NTM: variants seen among roughly 807,000 people sequenced by gnomAD.
NTM encodes IgLON family member 2.
Under a neutral mutation model 42.1 loss-of-function variants are expected in NTM, and 13 were observed. The ratio of observed to expected loss-of-function variants is 0.31; its 90% confidence interval spans 0.20 to 0.49. The LOEUF (loss-of-function observed/expected upper bound fraction) is 0.49. Among genes scored for constraint, NTM ranks in the 20% least tolerant of loss-of-function variants. The pLI is 0.99. For synonymous variants in NTM, 187 were observed against 179.2 expected, an observed-to-expected ratio of 1.04 and a Z score of -0.35; for missense variants, 373 against 452.8, an observed-to-expected ratio of 0.82 and a Z score of 1.60.
At chr11:131,450,425 C>A (rs905058651) in intron 1 of NTM, among the ~76,000 whole-genome samples, 7 of 152,168 alleles carry the variant, frequency 4.6e-5, no homozygotes, top group Non-Finnish European at 8.8e-5. Flanking sequence ...TCTCCCTGAG[C>A]CCATTCCGCC....
At chr11:131,999,348 A>T (rs1490612751) in intron 2 of NTM, among the ~76,000 whole-genome samples, 1 of 152,216 alleles carries the variant, frequency 6.6e-6, no homozygotes, top group East Asian at 1.9e-4. Context: ...TAATTCAAGC[A>T]GCACGAGGTA....
At chr11:132,225,067 T>C (rs1326791142) in intron 4 of NTM, among the ~76,000 whole-genome samples, 1 of 152,202 alleles carries the variant, frequency 6.6e-6, no homozygotes, top group Non-Finnish European at 1.5e-5. Flanking sequence ...GAAGAGGGAT[T>C]TATCAGATTG....
At chr11:131,970,261 C>T (rs2063362643) in intron 2 of NTM, among the ~76,000 whole-genome samples, 1 of 152,156 alleles carries the variant, frequency 6.6e-6, no homozygotes. Context: ...CTATGTTGAC[C>T]TGAACTCAGC....
chr11:132,134,610 G>A lies in NTM; in HGVS notation c.168-11672G>A, dbSNP rs141614558. 4.6e-3 allele frequency among the ~76,000 whole-genome samples: 682 copies of A among 149,394 alleles called. 9 individuals are homozygous for A. Among genetic ancestry groups the A allele is most frequent in the African/African-American group, 9.9e-3 (403 of 40,626 alleles). On this transcript the variant is annotated intron_variant, in intron 2 of 8. Coordinates refer to ENST00000683400, the MANE Select transcript of NTM (RefSeq NM_001352005.2). Reference sequence around the variant, plus strand: ...ATATGACATTTGGTTTTTCATTCCCGAGTTACTTCACTTAGAATAATAGTC... The same window carrying A: ...ATATGACATTTGGTTTTTCATTCCCAAGTTACTTCACTTAGAATAATAGTC...
At chr11:132,233,870 A>T (rs1276030564) in intron 4 of NTM, among the ~76,000 whole-genome samples, 1 of 152,198 alleles carries the variant, frequency 6.6e-6, no homozygotes, top group Non-Finnish European at 1.5e-5. Context: ...TGCAATGAGG[A>T]TAGTTCTCAC....
At chr11:131,787,729 C>G (rs142201673) in intron 1 of NTM, among the ~76,000 whole-genome samples, 223 of 152,160 alleles carry the variant, frequency 1.5e-3, no homozygotes, top group African/African-American at 4.9e-3. Flanking sequence ...GTTTTCTATG[C>G]CATGGGATAG....
intron 2 of NTM, among the ~76,000 whole-genome samples, chr11:132,073,423 G>C (rs1321464415): frequency 6.6e-6 from 1 of 152,146 alleles, no homozygotes; most frequent in Non-Finnish European, 1.5e-5. Context: ...GATGTTAGTT[G>C]TATGTTTGCA....
At chr11:132,325,001 C>A (rs1325928730) in intron 7 of NTM, among the ~76,000 whole-genome samples, 2 of 151,712 alleles carry the variant, frequency 1.3e-5, no homozygotes, top group African/African-American at 4.8e-5. Flanking sequence ...CTTCCTTACA[C>A]CTTACACAAA....
chr11:131,498,287 G>A (rs2136341441), intron 1 of NTM, among the ~76,000 whole-genome samples: 2 of 152,282 alleles, frequency 1.3e-5, no homozygotes, highest in South Asian at 4.1e-4. Flanking sequence ...TTTAGTTCCT[G>A]TATTCTGTAA....
intron 1 of NTM, among the ~76,000 whole-genome samples, chr11:131,425,348 C>T (rs1489748565): frequency 6.6e-6 from 1 of 152,092 alleles, no homozygotes; most frequent in African/African-American, 2.4e-5. Context: ...AGTTACAAAC[C>T]CTCACACCTA....
Position 132,328,487 on chromosome 11 carries a change from G to C in NTM, c.935-1666G>C, listed in dbSNP as rs538593001. Among the ~76,000 whole-genome samples, 23 of 152,116 alleles carry C rather than the reference G, an allele frequency of 1.5e-4. No individual in the cohort carries two copies. The South Asian group carries it at 4.6e-3, about 30-fold the overall frequency. On this transcript the variant is annotated intron_variant, in intron 7 of 8. Transcript: ENST00000683400. ...GAATAATTAAGCTGAGGTTTTTTTGGGGGGGTCTTTGTTTATAGAAAACCT... is the reference window on the plus strand; with the variant it reads ...GAATAATTAAGCTGAGGTTTTTTTGCGGGGGTCTTTGTTTATAGAAAACCT...
At chr11:131,413,059 T>G (rs1338585257) in intron 1 of NTM, among the ~76,000 whole-genome samples, 1 of 152,170 alleles carries the variant, frequency 6.6e-6, no homozygotes, top group Non-Finnish European at 1.5e-5. Context: ...CCTGGTTTTG[T>G]GAGGTTCACA....
intron 2 of NTM, among the ~76,000 whole-genome samples, chr11:131,941,907 A>G (rs1430172012): frequency 6.6e-6 from 1 of 152,082 alleles, no homozygotes; most frequent in Non-Finnish European, 1.5e-5. Context: ...ATAATCATCC[A>G]TATTAAAGAA....
chr11:132,131,888 A>G (rs1385499078), intron 2 of NTM, among the ~76,000 whole-genome samples: 1 of 152,084 alleles, frequency 6.6e-6, no homozygotes, highest in African/African-American at 2.4e-5. Flanking sequence ...TTAGGAAATG[A>G]TTTGAGCTTG....
In NTM at chr11:131,651,816, G is replaced by A. The variant is rs185247434; in HGVS notation, c.83-259748G>A. Among the ~76,000 whole-genome samples the A allele has an allele frequency of 1.8e-4, 27 of 151,994 alleles. No homozygotes were observed. The East Asian group carries it at 5.0e-3, about 28-fold the overall frequency. ...AGATCACGCCACTACGCTACAGTCT[G>A]GAAACAATGTGAGACTCCGTCCCCG... On this transcript the variant is annotated intron_variant, in intron 1 of 8. Transcript: ENST00000683400.
chr11:131,561,140 C>A (rs1315725576), intron 1 of NTM, among the ~76,000 whole-genome samples: 2 of 152,160 alleles, frequency 1.3e-5, no homozygotes, highest in Admixed American at 1.3e-4. Flanking sequence ...TGGGTTATTT[C>A]GGTGGCAGCA....
At chr11:131,406,836 C>T (rs1402738094) in intron 1 of NTM, among the ~76,000 whole-genome samples, 1 of 152,204 alleles carries the variant, frequency 6.6e-6, no homozygotes, top group Admixed American at 6.5e-5. Context: ...CTCTTTCCCT[C>T]CTCCCAGAGT....
chr11:132,143,447 G>T (rs908015299), intron 2 of NTM, among the ~76,000 whole-genome samples: 1 of 152,148 alleles, frequency 6.6e-6, no homozygotes, highest in Admixed American at 6.5e-5. Flanking sequence ...CACTAAATTT[G>T]GAAAACAAAA....
intron 2 of NTM, among the ~76,000 whole-genome samples, chr11:131,923,256 G>A (rs928297318): frequency 6.6e-6 from 1 of 152,178 alleles, no homozygotes; most frequent in African/African-American, 2.4e-5. Flanking sequence ...GGTCCACCAA[G>A]CTGCTGAGTT....
Sources: allele counts gnomAD v4.1 joint callset (sites outside exome capture counted in the v4.1 genomes callset), GRCh38; gene constraint gnomAD v4.1.1; transcripts MANE v1.5; gene names NCBI Gene and HGNC (gene_info 2026-07-23, HGNC 2026-07-21).